CLMN: variants seen among roughly 807,000 people sequenced by gnomAD.
CLMN encodes calmin, also known as calmin (calponin-like, transmembrane).
CLMN carries 57 observed loss-of-function variants against 92.7 expected under a neutral mutation model. The ratio of observed to expected loss-of-function variants is 0.61; its 90% confidence interval spans 0.50 to 0.77. The LOEUF is 0.77. CLMN is among the 30% of genes least tolerant of loss of function. The pLI, the probability that CLMN is intolerant of heterozygous loss-of-function variation, is 0.00. For synonymous variants in CLMN, 466 were observed against 470.6 expected (o/e 0.99, Z 0.13); for missense variants, 1,158 against 1,237.5 (o/e 0.94, Z 0.96).
chr14:95,311,610 A>G (rs1164966201), intron 1 of CLMN, among the ~76,000 whole-genome samples: 1 of 152,158 alleles, frequency 6.6e-6, no homozygotes, highest in Non-Finnish European at 1.5e-5. Context: ...ACACAAGGGA[A>G]CCAAATAAAA....
At chr14:95,297,472 C>T (rs1372377322) in intron 1 of CLMN, among the ~76,000 whole-genome samples, 1 of 152,186 alleles carries the variant, frequency 6.6e-6, no homozygotes, top group African/African-American at 2.4e-5. Flanking sequence ...ATAGAATATT[C>T]CATCACTCCC....
At chr14:95,297,108 T>C (rs1900838368) in intron 1 of CLMN, among the ~76,000 whole-genome samples, 1 of 152,190 alleles carries the variant, frequency 6.6e-6, no homozygotes, top group Non-Finnish European at 1.5e-5. Context: ...AGATATCACT[T>C]TACTAGGCTT....
chr14:95,245,796 T>TTGGATGGATGGATGGATGGATGGA (rs150318487), intron 1 of CLMN, among the ~76,000 whole-genome samples: 27 of 140,240 alleles, frequency 1.9e-4, no homozygotes, highest in African/African-American at 7.0e-4. Flanking sequence ...GGTTGGATTA[T>TTGGATGGATGGATGGATGGATGGA]TGGATGGATG....
intron 1 of CLMN, among the ~76,000 whole-genome samples, chr14:95,258,158 GTGT>G (rs1475900258): frequency 6.6e-6 from 1 of 151,980 alleles, no homozygotes; most frequent in Admixed American, 6.5e-5. Context: ...TATGCGTGTA[GTGT>G]TGTGTATATG....
Position 95,184,344 on chromosome 14 carries a change from C to T in CLMN, c.*7220G>A, listed in dbSNP as rs761571823. The T allele has an allele frequency of 3.3e-5, 5 of 152,148 alleles. No homozygotes were observed. The highest frequency in any genetic ancestry group is 4.4e-5 in the Non-Finnish European group (3 of 68,034). The allele number at this position is 152,148 out of a possible 1,614,324, so 9.4% of individuals were successfully genotyped here. ...AAAATGAAAACAAAAAAAAGGGTTC[C>T]TTTAAAGAGAACACTGCTAGATGAA... is the stretch of plus-strand genomic sequence containing the variant. On this transcript the variant is annotated 3_prime_UTR_variant, in exon 13 of 13. Transcript: ENST00000298912.
chr14:95,294,029 G>A lies in CLMN; in HGVS notation c.82+25682C>T, dbSNP rs1028993413. The stretch of plus-strand genomic sequence containing the variant: ...GGAGGGTGACACCAAAGAGGAGGAG[G>A]AGGAGGAGGAGGCCAGAAGTCTGGC... On this transcript the variant is annotated intron_variant, in intron 1 of 12. Transcript: ENST00000298912. The surrounding 1 kb of genome is among the most constrained non-coding windows in gnomAD (Gnocchi z 4.2). 6.6e-6 allele frequency among the ~76,000 whole-genome samples: 1 copy of A among 152,182 alleles called. No homozygotes were observed. Among genetic ancestry groups the A allele is most frequent in the Non-Finnish European group, 1.5e-5 (1 of 68,034 alleles).
intron 1 of CLMN, among the ~76,000 whole-genome samples, chr14:95,288,466 C>T (rs1900428851): frequency 6.6e-6 from 1 of 152,170 alleles, no homozygotes; most frequent in African/African-American, 2.4e-5. Context: ...AGATCAGGCA[C>T]ATCTGAACAA....
In CLMN at chr14:95,294,287, C is replaced by T. The variant is rs1219451159; in HGVS notation, c.82+25424G>A. On this transcript the variant is annotated intron_variant, in intron 1 of 12. Transcript: ENST00000298912. The surrounding 1 kb of genome is among the most constrained non-coding windows in gnomAD (Gnocchi z 4.2). ...CTTGCACGGGGAAGACAAAATTTAA[C>T]CAAGAAAACAGAACAGCAGAATTAC... is the stretch of plus-strand genomic sequence containing the variant. 6.6e-6 allele frequency among the ~76,000 whole-genome samples: 1 copy of T among 152,178 alleles called. No individual in the cohort carries two copies. The highest frequency in any genetic ancestry group is 1.5e-5 in the Non-Finnish European group (1 of 68,034).
intron 1 of CLMN, among the ~76,000 whole-genome samples, chr14:95,262,279 G>A (rs568799729): frequency 6.6e-6 from 1 of 152,196 alleles, no homozygotes; most frequent in Non-Finnish European, 1.5e-5. Flanking sequence ...CCTGGCTACT[G>A]AAAACCACTC....
chr14:95,214,739 AT>A (rs112360886), intron 5 of CLMN, among the ~76,000 whole-genome samples: 417 of 146,628 alleles, frequency 2.8e-3, no homozygotes, highest in Middle Eastern at 0.011. Flanking sequence ...GAGAGACAGT[AT>A]TTTTTTTTTT....
chr14:95,264,911 A>G (rs1899409579), intron 1 of CLMN, among the ~76,000 whole-genome samples: 1 of 149,968 alleles, frequency 6.7e-6, no homozygotes, highest in Non-Finnish European at 1.5e-5. Context: ...AAACACCGTC[A>G]GATCTCATGA....
intron 2 of CLMN, among the ~76,000 whole-genome samples, chr14:95,228,307 T>TC: frequency 6.6e-6 from 1 of 152,194 alleles, no homozygotes; most frequent in Non-Finnish European, 1.5e-5. Context: ...TTTGCTTTTT[T>TC]CCCCAAAATA....
chr14:95,194,440 C>A lies in CLMN; in HGVS notation c.2769+96G>T. On this transcript the variant is annotated intron_variant, in intron 11 of 12. Coordinates refer to ENST00000298912, the MANE Select transcript of CLMN (RefSeq NM_024734.4). This position sits in a 1 kb window ranked among gnomAD's most constrained non-coding sequence, Gnocchi z 4.0. ...TATCCAAAAGTATAGCTGTTGCATGCCAGTAATTTCAAAGCTCTGGGCTGG... is the reference window on the plus strand; with the variant it reads ...TATCCAAAAGTATAGCTGTTGCATGACAGTAATTTCAAAGCTCTGGGCTGG... The A allele has an allele frequency of 1.3e-6, 2 of 1,597,034 alleles. No individual in the cohort carries two copies. The highest frequency in any genetic ancestry group is 1.7e-6 in the Non-Finnish European group (2 of 1,170,250).
intron 1 of CLMN, among the ~76,000 whole-genome samples, chr14:95,241,467 A>C (rs1159498104): frequency 1.3e-5 from 2 of 152,224 alleles, no homozygotes; most frequent in African/African-American, 4.8e-5. Flanking sequence ...ATTTGCTTTC[A>C]ATGCAAGGGG....
At chr14:95,245,724 G>GTGGATGGATAAATGGATGGGTGGATGGA (rs1898534986) in intron 1 of CLMN, among the ~76,000 whole-genome samples, 1 of 140,422 alleles carries the variant, frequency 7.1e-6, no homozygotes, top group Non-Finnish European at 1.5e-5. Flanking sequence ...GGATGGATAG[G>GTGGATGGATAAATGGATGGGTGGATGGA]TGGATGGATA....
In CLMN at chr14:95,196,707, A is replaced by G. The variant is rs1398676891; in HGVS notation, c.2512-13T>C. 1 of 1,610,524 alleles carries G rather than the reference A, an allele frequency of 6.2e-7. No individual in the cohort carries two copies. The highest frequency in any genetic ancestry group is 8.5e-7 in the Non-Finnish European group (1 of 1,178,470). On this transcript the variant is annotated splice_polypyrimidine_tract_variant and intron_variant, in intron 9 of 12. Transcript: ENST00000298912. ...GGGATTCCTGGGACTGAAAGACAGA[A>G]CAACCAAATCCAAGTCAGTATGTCA... is the stretch of plus-strand genomic sequence containing the variant.
intron 10 of CLMN, among the ~76,000 whole-genome samples, chr14:95,195,752 T>C (rs776112949): frequency 1.3e-5 from 2 of 152,156 alleles, no homozygotes; most frequent in Non-Finnish European, 2.9e-5. Flanking sequence ...AGAAAATGAA[T>C]GTGAAGTTCC....
chr14:95,239,522 A>G (rs568320283), intron 1 of CLMN, among the ~76,000 whole-genome samples: 1 of 152,168 alleles, frequency 6.6e-6, no homozygotes, highest in Non-Finnish European at 1.5e-5. Context: ...TTTTAATCCC[A>G]ATGTTTTTGT....
intron 1 of CLMN, among the ~76,000 whole-genome samples, chr14:95,276,777 G>C (rs932908680): frequency 4.6e-5 from 7 of 152,194 alleles, no homozygotes; most frequent in Non-Finnish European, 1.0e-4. Flanking sequence ...AGCCTTGCCA[G>C]GTGGATACTG....
Sources: gnomAD v4.1 joint callset for allele counts (sites outside exome capture counted in the v4.1 genomes callset) on GRCh38, gnomAD v4.1.1 for gene constraint, Gnocchi (gnomAD v3.1) non-coding constraint, MANE v1.5 for transcripts, NCBI Gene and HGNC (gene_info 2026-07-23, HGNC 2026-07-21) for gene names.